FAR1: variants seen among roughly 807,000 people sequenced by gnomAD.
The protein encoded by FAR1 is fatty acyl-CoA reductase 1.
In FAR1, 22 loss-of-function variants were observed where a neutral mutation model predicts 61.1. The ratio of observed to expected loss-of-function variants is 0.36; its 90% CI spans 0.26 to 0.51. FAR1 has a LOEUF of 0.51. Ranked by LOEUF, FAR1 falls within the 20% of genes least tolerant of loss-of-function variation. FAR1 has a pLI of 0.95. For synonymous variants in FAR1, 206 were observed against 209.7 expected (o/e 0.98, Z 0.15); for missense variants, 359 against 626.9 (o/e 0.57, Z 4.56).
At chr11:13,669,318 G>A (rs1389126725) in intron 1 of FAR1, 2 of 152,730 alleles carry the variant, frequency 1.3e-5, no homozygotes, top group Non-Finnish European at 2.9e-5. Context: ...AGTAAGGATT[G>A]ATAGGGCCTG....
In FAR1 at chr11:13,729,054, G is replaced by A. The variant is rs373231530; in HGVS notation, c.*280G>A. On this transcript the variant is annotated 3_prime_UTR_variant, in exon 12 of 12. Transcript: ENST00000354817. The stretch of plus-strand genomic sequence containing the variant: ...AGGGGTGTGCTGAGGACAAGAGTGG[G>A]GAAATAGGAACACTGACCAGTATAA... 7.6e-6 allele frequency: 2 copies of A among 262,852 alleles called. No individual in the cohort carries two copies. 16.3% of individuals were successfully genotyped at this position (262,852 alleles called of 1,614,324 possible). A position where few individuals can be genotyped will look rare whatever the true frequency, so the allele number is the denominator to read the frequency against.
intron 10 of FAR1, chr11:13,723,362 C>CAA (rs71313446): frequency 0.069 from 17,237 of 250,892 alleles, 20 homozygotes; most frequent in East Asian, 0.091. Context: ...GAGAGTCTCT[C>CAA]AAAAAAAAAA....
At chr11:13,675,065 T>TC (rs1848051136) in intron 1 of FAR1, among the ~76,000 whole-genome samples, 1 of 151,418 alleles carries the variant, frequency 6.6e-6, no homozygotes, top group Admixed American at 6.6e-5. Flanking sequence ...TTTTTTTTTT[T>TC]TTTAACCAGT....
At chr11:13,670,372 T>G (rs1297659049) in intron 1 of FAR1, among the ~76,000 whole-genome samples, 1 of 152,226 alleles carries the variant, frequency 6.6e-6, no homozygotes, top group Admixed American at 6.5e-5. Flanking sequence ...CGCTGCAACC[T>G]CCACCTCCCA....
intron 3 of FAR1, among the ~76,000 whole-genome samples, chr11:13,704,376 A>G (rs1331918002): frequency 2.6e-5 from 4 of 152,182 alleles, no homozygotes; most frequent in Non-Finnish European, 5.9e-5. Context: ...TCAGAAAGGA[A>G]TGGAAGTTAA....
chr11:13,691,936 A>G (rs1848254545), intron 1 of FAR1, among the ~76,000 whole-genome samples: 2 of 152,070 alleles, frequency 1.3e-5, no homozygotes, highest in Admixed American at 6.6e-5. Flanking sequence ...GGGAGGCCAA[A>G]GTGGGTGGAT....
chr11:13,673,818 C>G (rs890387034), intron 1 of FAR1, among the ~76,000 whole-genome samples: 1 of 152,192 alleles, frequency 6.6e-6, no homozygotes, highest in African/African-American at 2.4e-5. Context: ...ATTGATGAAG[C>G]ATGGCATATG....
At chr11:13,671,709 G>C (rs1261686534) in intron 1 of FAR1, among the ~76,000 whole-genome samples, 1 of 152,174 alleles carries the variant, frequency 6.6e-6, no homozygotes, top group Non-Finnish European at 1.5e-5. Context: ...AGATGAGGGA[G>C]ATAAGACTCA....
chr11:13,671,585 C>T (rs1848004946), intron 1 of FAR1, among the ~76,000 whole-genome samples: 1 of 152,114 alleles, frequency 6.6e-6, no homozygotes, highest in Non-Finnish European at 1.5e-5. Flanking sequence ...ATTTTTGAGT[C>T]CTGTGCTAGA....
intron 1 of FAR1, among the ~76,000 whole-genome samples, chr11:13,684,838 C>T (rs1848168981): frequency 6.6e-6 from 1 of 152,144 alleles, no homozygotes; most frequent in South Asian, 2.1e-4. Context: ...ATTTAAGTTA[C>T]AGTATATATT....
Position 13,728,833 on chromosome 11 carries a change from T to C in FAR1, c.*59T>C, listed in dbSNP as rs1336730114. 1.6e-5 allele frequency: 24 copies of C among 1,481,162 alleles called. No homozygotes were observed. The East Asian group carries it at 5.3e-4, about 33-fold the overall frequency. The allele number at this position is 1,481,162 out of a possible 1,614,324, so 91.8% of individuals were successfully genotyped here. A position where few individuals can be genotyped will look rare whatever the true frequency, so the allele number is the denominator to read the frequency against. On this transcript the variant is annotated 3_prime_UTR_variant, in exon 12 of 12. Coordinates refer to ENST00000354817, the MANE Select transcript of FAR1 (RefSeq NM_032228.6). ...TATGGTGATCTAAATGTACAAAATG[T>C]AAAATGTATAAGTCATCTCACTTTT...
In FAR1 at chr11:13,710,736, A is replaced by G; in HGVS notation, c.589A>G (p.Ile197Val). ...AGTAAATGATATCACGCCAAAATTGATAGGAGACAGACCTAATACATACAT... is the reference window on the plus strand; with the variant it reads ...AGTAAATGATATCACGCCAAAATTGGTAGGAGACAGACCTAATACATACAT... ...GLVNDITPKL[I>V]GDRPNTYIYT... Residue 197 changes from isoleucine to valine, a missense_variant, in exon 5 of 12, where the codon ATA (isoleucine) becomes GTA (valine). Transcript: ENST00000354817. 1 of 1,604,606 alleles carries G rather than the reference A, an allele frequency of 6.2e-7. No homozygotes were observed. Among genetic ancestry groups the G allele is most frequent in the Non-Finnish European group, 8.5e-7 (1 of 1,177,766 alleles).
At chr11:13,716,812 T>A (rs957246554) in intron 9 of FAR1, among the ~76,000 whole-genome samples, 1 of 152,162 alleles carries the variant, frequency 6.6e-6, no homozygotes, top group African/African-American at 2.4e-5. Context: ...TTAAAAATAC[T>A]TCAAGTTCTA....
intron 2 of FAR1, among the ~76,000 whole-genome samples, chr11:13,695,772 C>T (rs934218328): frequency 2.0e-5 from 3 of 152,146 alleles, no homozygotes; most frequent in African/African-American, 7.2e-5. Flanking sequence ...AGACTTTTGA[C>T]TTTGAATGAA....
chr11:13,719,985 C>T (rs1406627047), intron 9 of FAR1: 3 of 152,102 alleles, frequency 2.0e-5, no homozygotes, highest in Non-Finnish European at 4.4e-5. Flanking sequence ...GTATGTTTAA[C>T]CAAGGAGTGA....
chr11:13,702,546 T>G (rs1034509594), intron 3 of FAR1, among the ~76,000 whole-genome samples: 1 of 152,218 alleles, frequency 6.6e-6, no homozygotes, highest in Non-Finnish European at 1.5e-5. Flanking sequence ...ATTGTGAATG[T>G]GGTCTCTAAT....
intron 10 of FAR1, among the ~76,000 whole-genome samples, chr11:13,726,850 A>T (rs1848671720): frequency 6.6e-6 from 1 of 151,116 alleles, no homozygotes; most frequent in Non-Finnish European, 1.5e-5. Context: ...ATTTTACTGA[A>T]TTTTTTATAG....
chr11:13,674,173 G>T (rs1195823610), intron 1 of FAR1, among the ~76,000 whole-genome samples: 2 of 151,954 alleles, frequency 1.3e-5, no homozygotes, highest in African/African-American at 4.8e-5. Context: ...GCCGGGCGTG[G>T]TGGCGCCCAC....
chr11:13,719,057 A>T (rs1432623896), intron 9 of FAR1, among the ~76,000 whole-genome samples: 1 of 152,202 alleles, frequency 6.6e-6, no homozygotes, highest in African/African-American at 2.4e-5. Context: ...AAGTCACATC[A>T]TGTCACTTCC....
Sources: gnomAD v4.1 joint callset for allele counts (sites outside exome capture counted in the v4.1 genomes callset) on GRCh38, gnomAD v4.1.1 for gene constraint, MANE v1.5 for transcripts, NCBI Gene and HGNC (gene_info 2026-07-23, HGNC 2026-07-21) for gene names.